The following KAT6B variants were observed in gnomAD, a reference collection of about 807,000 sequenced individuals.
KAT6B encodes lysine acetyltransferase 6B, also known as histone acetyltransferase KAT6B.
A neutral mutation model predicts 187.5 loss-of-function variants in KAT6B; 10 were observed. The ratio of observed to expected loss-of-function variants is 0.05; its 90% confidence interval spans 0.03 to 0.09. The LOEUF (loss-of-function observed/expected upper bound fraction) is 0.09. Ranked by LOEUF, KAT6B falls within the 10% of genes least tolerant of loss-of-function variation. KAT6B has a pLI of 1.00. For missense variants in KAT6B, 1,952 were observed against 2,558.9 expected, an observed-to-expected ratio of 0.76 and a Z score of 5.12; for synonymous variants, 861 against 926.8, an observed-to-expected ratio of 0.93 and a Z score of 1.29.
rs182952992 is a variant in KAT6B at position 74,922,114 on chromosome 10, A to G, written c.622-37856A>G. ...GTATTAGCTTCTGTAGATGTGTCTA[A>G]CTGAGTCTTTTTCTTAAAATAACTC... On this transcript the variant is annotated intron_variant, in intron 3 of 17. Transcript: ENST00000287239. Among the ~76,000 whole-genome samples, 8 of 151,954 alleles carry G rather than the reference A, an allele frequency of 5.3e-5. No homozygotes were observed. The East Asian group carries it at 1.5e-3, about 29-fold the overall frequency.
At chr10:74,968,281 G>T (rs1400487350) in intron 4 of KAT6B, among the ~76,000 whole-genome samples, 1 of 152,158 alleles carries the variant, frequency 6.6e-6, no homozygotes, top group Non-Finnish European at 1.5e-5. Context: ...TAAAAGAACA[G>T]TGTCACAGGT....
chr10:74,924,809 C>T (rs1027130479), intron 3 of KAT6B, among the ~76,000 whole-genome samples: 11 of 152,158 alleles, frequency 7.2e-5, no homozygotes, highest in African/African-American at 2.2e-4. Flanking sequence ...GAGAACCACA[C>T]ACCTCTCTCT....
At chr10:74,964,793 C>A (rs1841346160) in intron 4 of KAT6B, among the ~76,000 whole-genome samples, 1 of 152,236 alleles carries the variant, frequency 6.6e-6, no homozygotes, top group South Asian at 2.1e-4. Context: ...GTTCGCTACT[C>A]ACTCAGTTAC....
At position 74,975,589 on chromosome 10, in the gene KAT6B, A is replaced by C; in HGVS notation, c.1252A>C (p.Thr418Pro). ...GATTKITTTSTYISASTLKVN... is the reference protein window; with the variant it reads ...GATTKITTTSPYISASTLKVN... The stretch of plus-strand genomic sequence containing the variant: ...CACCACCAAAATCACCACCACCTCC[A>C]CCTACATTTCTGCCTCTACACTTAA... The change falls in exon 8 of 18, where the codon ACC (threonine) becomes CCC (proline). Residue 418 changes from threonine to proline, a missense_variant. Transcript: ENST00000287239. The C allele has an allele frequency of 6.2e-7, 1 of 1,614,016 alleles. No homozygotes were observed. Among genetic ancestry groups the C allele is most frequent in the Non-Finnish European group, 8.5e-7 (1 of 1,180,004 alleles).
intron 3 of KAT6B, among the ~76,000 whole-genome samples, chr10:74,853,109 C>CTTTTTT (rs1233676750): frequency 3.2e-4 from 36 of 113,732 alleles, no homozygotes; most frequent in Middle Eastern, 5.0e-3. Flanking sequence ...TTTCTTTCAT[C>CTTTTTT]TTTTTTTTTT....
intron 3 of KAT6B, among the ~76,000 whole-genome samples, chr10:74,908,809 CCTTTATA>C (rs1846983788): frequency 6.6e-6 from 1 of 151,460 alleles, no homozygotes; most frequent in Non-Finnish European, 1.5e-5. Flanking sequence ...CCTTTTTTTT[CCTTTATA>C]GTTTAAAAAT....
At chr10:74,845,009 G>T (rs866970112) in intron 3 of KAT6B, among the ~76,000 whole-genome samples, 2 of 152,022 alleles carry the variant, frequency 1.3e-5, no homozygotes, top group Admixed American at 6.6e-5. Context: ...TTGAGCCCAG[G>T]AGTTCAAGAC....
chr10:74,886,689 C>T (rs1041525654), intron 3 of KAT6B, among the ~76,000 whole-genome samples: 1 of 152,184 alleles, frequency 6.6e-6, no homozygotes, highest in African/African-American at 2.4e-5. Flanking sequence ...CTCTGTACTT[C>T]CACCTTACCT....
At chr10:74,899,097 G>T (rs1470643600) in intron 3 of KAT6B, among the ~76,000 whole-genome samples, 3 of 150,660 alleles carry the variant, frequency 2.0e-5, no homozygotes, top group African/African-American at 7.3e-5. Flanking sequence ...AGAGGCGGAG[G>T]TTGCAGTGAG....
intron 3 of KAT6B, among the ~76,000 whole-genome samples, chr10:74,861,654 C>T (rs1843198807): frequency 6.6e-6 from 1 of 152,136 alleles, no homozygotes; most frequent in African/African-American, 2.4e-5. Flanking sequence ...ACTACATTAC[C>T]TCTCATTTTC....
In KAT6B at chr10:74,975,516, G is replaced by T. The variant is rs765458594; in HGVS notation, c.1179G>T (p.Lys393Asn). ...TPSSGHAASG[K>N]DSSSRLAVTD... The stretch of plus-strand genomic sequence containing the variant: ...CATCTGGTCATGCTGCATCTGGGAA[G>T]GACTCAAGCAGCAGATTGGCTGTTA... The change falls in exon 8 of 18, where the codon AAG (lysine) becomes AAT (asparagine). Residue 393 changes from lysine to asparagine, a missense_variant. By Grantham distance (94) the Lys-to-Asn change is moderately conservative. This residue lies in a region of KAT6B where 417 missense variants were observed against 508.9 expected (regional missense o/e 0.82). Transcript: ENST00000287239. 6.2e-7 allele frequency: 1 copy of T among 1,614,034 alleles called. No homozygotes were observed. The highest frequency in any genetic ancestry group is 8.5e-7 in the Non-Finnish European group (1 of 1,179,996).
At chr10:74,910,298 C>CA (rs1227897433) in intron 3 of KAT6B, among the ~76,000 whole-genome samples, 2 of 152,074 alleles carry the variant, frequency 1.3e-5, no homozygotes, top group Non-Finnish European at 2.9e-5. Flanking sequence ...AACTCCATCT[C>CA]AAAAAATAAC....
intron 3 of KAT6B, among the ~76,000 whole-genome samples, chr10:74,880,090 G>A (rs571043832): frequency 1.6e-4 from 24 of 152,184 alleles, no homozygotes; most frequent in East Asian, 7.7e-4. Context: ...CATAATTTGC[G>A]TTATCGTAAA....
chr10:74,916,597 G>C (rs1847700338), intron 3 of KAT6B, among the ~76,000 whole-genome samples: 1 of 152,082 alleles, frequency 6.6e-6, no homozygotes, highest in South Asian at 2.1e-4. Flanking sequence ...GCTATTGACT[G>C]TACGGGCCAT....
At chr10:74,924,193 A>G (rs2395123) in intron 3 of KAT6B, among the ~76,000 whole-genome samples, 4,898 of 152,194 alleles carry the variant, frequency 0.032, 202 homozygotes, top group East Asian at 0.17. Flanking sequence ...TTTAAAACAT[A>G]TTTTTATTTA....
At chr10:74,885,340 C>T (rs545828109) in intron 3 of KAT6B, among the ~76,000 whole-genome samples, 6 of 152,136 alleles carry the variant, frequency 3.9e-5, no homozygotes, top group African/African-American at 1.2e-4. Flanking sequence ...TTTATATAGT[C>T]GCATGTGATT....
intron 6 of KAT6B, 76 bp from the exon 7 acceptor site, chr10:74,972,431 C>T (rs929230800): frequency 8.9e-7 from 1 of 1,120,458 alleles, no homozygotes; most frequent in Non-Finnish European, 1.3e-6. Flanking sequence ...CAGCTTATTA[C>T]AGCTACAACT....
chr10:74,839,567 G>T (rs952636929), intron 2 of KAT6B, among the ~76,000 whole-genome samples: 5 of 152,112 alleles, frequency 3.3e-5, no homozygotes, highest in African/African-American at 1.2e-4. Flanking sequence ...GTTTGCTTGT[G>T]TAACAAAACA....
intron 3 of KAT6B, among the ~76,000 whole-genome samples, chr10:74,878,259 TACTC>T (rs1415977602): frequency 2.0e-5 from 3 of 152,218 alleles, no homozygotes; most frequent in Non-Finnish European, 4.4e-5. Flanking sequence ...AAATATTTCA[TACTC>T]ATTCATTTAC....
Sources: allele counts gnomAD v4.1 joint callset (sites outside exome capture counted in the v4.1 genomes callset), GRCh38; gene constraint gnomAD v4.1.1; regional missense constraint gnomAD v4.1.1; transcripts MANE v1.5; gene names NCBI Gene and HGNC (gene_info 2026-07-23, HGNC 2026-07-21).